PHF21B: variants seen among roughly 807,000 people sequenced by gnomAD.
The protein encoded by PHF21B is PHD finger protein 21B.
Under a neutral mutation model 62.2 loss-of-function variants are expected in PHF21B, and 22 were observed. The ratio of observed to expected loss-of-function variants is 0.35; its 90% CI spans 0.25 to 0.51. PHF21B has a LOEUF of 0.51. Among genes scored for constraint, PHF21B ranks in the 20% least tolerant of loss-of-function variants. The probability of loss-of-function intolerance (pLI) is 0.97; values close to 1 mark genes in which losing one functional copy is unlikely to be tolerated. For missense variants in PHF21B, 701 were observed against 707.9 expected, an observed-to-expected ratio of 0.99 and a Z score of 0.11; for synonymous variants, 341 against 314.7, an observed-to-expected ratio of 1.08 and a Z score of -0.88.
intron 12 of PHF21B, among the ~76,000 whole-genome samples, chr22:44,883,921 C>T (rs62232240): frequency 0.3 from 44,826 of 149,278 alleles, 8,637 homozygotes; most frequent in Non-Finnish European, 0.41. Context: ...CCAGGGCCCG[C>T]TACCATCACC....
At position 44,946,283 on chromosome 22, in the gene PHF21B, CCT is replaced by C. The variant is rs796247950; in HGVS notation, c.121-25795_121-25794del. Among the ~76,000 whole-genome samples the C allele has an allele frequency of 5.4e-5, 8 of 147,750 alleles. No homozygotes were observed. In the South Asian group the frequency reaches 1.5e-3, roughly 27 times the overall value. Reference sequence around the variant, plus strand: ...GGCTCCCTATCTCTGAGAAGCTTCCCCTGACACCCCCAAACGAGGCCAGATAC... The same window carrying C: ...GGCTCCCTATCTCTGAGAAGCTTCCCGACACCCCCAAACGAGGCCAGATAC... On this transcript the variant is annotated intron_variant, in intron 2 of 12. Coordinates refer to ENST00000313237, the MANE Select transcript of PHF21B (RefSeq NM_138415.5).
intron 3 of PHF21B, among the ~76,000 whole-genome samples, chr22:44,919,892 G>T (rs960585958): frequency 1.3e-5 from 2 of 152,246 alleles, no homozygotes; most frequent in Non-Finnish European, 2.9e-5. Context: ...AGGCTGAGAG[G>T]TCAGGTGACT....
intron 4 of PHF21B, among the ~76,000 whole-genome samples, chr22:44,915,575 C>T (rs923105999): frequency 1.3e-5 from 2 of 152,196 alleles, no homozygotes; most frequent in Non-Finnish European, 2.9e-5. Context: ...ACAGGACTCC[C>T]GGGAATGCAC....
chr22:44,950,105 A>G (rs1426736259), intron 2 of PHF21B, among the ~76,000 whole-genome samples: 1 of 152,216 alleles, frequency 6.6e-6, no homozygotes, highest in Non-Finnish European at 1.5e-5. Context: ...AAAGTGATCA[A>G]TTCACCTTTC....
intron 2 of PHF21B, among the ~76,000 whole-genome samples, chr22:44,999,720 G>A (rs75409505): frequency 0.02 from 3,044 of 152,078 alleles, 97 homozygotes; most frequent in African/African-American, 0.069. Context: ...TTAAGGTCAC[G>A]AAGCTGGGCA....
intron 7 of PHF21B, 87 bp downstream of exon 7, chr22:44,893,370 A>C: frequency 7.5e-7 from 1 of 1,326,426 alleles, no homozygotes; most frequent in Non-Finnish European, 1.0e-6. Context: ...TAGGAAAGCG[A>C]ATGAGGGAGG....
chr22:44,934,322 G>A (rs1000951415), intron 2 of PHF21B, among the ~76,000 whole-genome samples: 2 of 152,226 alleles, frequency 1.3e-5, no homozygotes, highest in African/African-American at 4.8e-5. Context: ...ATCACCGCAC[G>A]CGACCTAAGA....
intron 2 of PHF21B, among the ~76,000 whole-genome samples, chr22:44,999,662 G>A (rs889138905): frequency 6.6e-6 from 1 of 151,946 alleles, no homozygotes; most frequent in African/African-American, 2.4e-5. Flanking sequence ...TTTTCTTATT[G>A]GTGCCATTAC....
chr22:44,920,082 G>A (rs1319092899), intron 3 of PHF21B, among the ~76,000 whole-genome samples: 1 of 152,154 alleles, frequency 6.6e-6, no homozygotes, highest in East Asian at 1.9e-4. Context: ...GAAACAAGTT[G>A]GTCAAGAAAC....
At chr22:44,956,904 A>T (rs1488283764) in intron 2 of PHF21B, among the ~76,000 whole-genome samples, 1 of 152,180 alleles carries the variant, frequency 6.6e-6, no homozygotes. Flanking sequence ...TGCAGCATTC[A>T]GGAGCCAACC....
Position 44,885,955 on chromosome 22 carries a change from G to A in PHF21B, c.1198-17C>T, listed in dbSNP as rs762498039. ...CTTTAAGGCCTGGGGAGCAGACGGGGAGATGAAAAAGTGGACAGGCCCTGG... is the reference window on the plus strand; with the variant it reads ...CTTTAAGGCCTGGGGAGCAGACGGGAAGATGAAAAAGTGGACAGGCCCTGG... On this transcript the variant is annotated splice_polypyrimidine_tract_variant and intron_variant, in intron 10 of 12. Coordinates refer to ENST00000313237, the MANE Select transcript of PHF21B (RefSeq NM_138415.5). 1.2e-6 allele frequency: 2 copies of A among 1,612,980 alleles called. No homozygotes were observed. Among genetic ancestry groups the A allele is most frequent in the South Asian group, 1.1e-5 (1 of 91,000 alleles).
chr22:45,004,235 A>G (rs728776), intron 2 of PHF21B, among the ~76,000 whole-genome samples: 10,810 of 152,312 alleles, frequency 0.071, 459 homozygotes, highest in Middle Eastern at 0.14. Flanking sequence ...AAGTCTATGT[A>G]AAATATATCT....
In PHF21B at chr22:44,999,555, C is replaced by A. The variant is rs1022001005; in HGVS notation, c.120+8990G>T. ...GAGCAAAAGTACTGCTCGCGGTCAC[C>A]AGGACGGTTACTAACTTGCTGGGGA... On this transcript the variant is annotated intron_variant, in intron 2 of 12. Coordinates refer to ENST00000313237, the MANE Select transcript of PHF21B (RefSeq NM_138415.5). Among the ~76,000 whole-genome samples, 5 of 152,308 alleles carry A rather than the reference C, an allele frequency of 3.3e-5. No individual in the cohort carries two copies. The East Asian group carries it at 9.6e-4, about 29-fold the overall frequency.
intron 2 of PHF21B, among the ~76,000 whole-genome samples, chr22:44,990,600 G>A (rs867705538): frequency 6.6e-6 from 1 of 152,262 alleles, no homozygotes; most frequent in Non-Finnish European, 1.5e-5. Context: ...ATTGCGCGAA[G>A]TGAAAAAAGC....
intron 2 of PHF21B, among the ~76,000 whole-genome samples, chr22:45,007,684 G>C (rs1358136195): frequency 2.7e-4 from 26 of 95,374 alleles, no homozygotes; most frequent in African/African-American, 8.3e-4. Context: ...GGGGCTGCGC[G>C]GGGAAGGGGC....
chr22:44,955,365 CTG>C (rs1215393099), intron 2 of PHF21B, among the ~76,000 whole-genome samples: 1 of 152,228 alleles, frequency 6.6e-6, no homozygotes, highest in Non-Finnish European at 1.5e-5. Flanking sequence ...ACTCACGGTC[CTG>C]TGACGGTTAA....
chr22:44,898,533 C>CA (rs1287863770), intron 5 of PHF21B, among the ~76,000 whole-genome samples: 1 of 152,132 alleles, frequency 6.6e-6, no homozygotes. Flanking sequence ...AGCTGGGAAT[C>CA]AGACTCCACT....
chr22:44,920,938 T>G (rs2071524242), intron 2 of PHF21B, among the ~76,000 whole-genome samples: 1 of 152,258 alleles, frequency 6.6e-6, no homozygotes, highest in African/African-American at 2.4e-5. Context: ...TAGCTCCATC[T>G]TTTTCCAGTT....
intron 2 of PHF21B, among the ~76,000 whole-genome samples, chr22:44,980,864 C>A (rs1236688907): frequency 1.3e-5 from 2 of 152,212 alleles, no homozygotes; most frequent in East Asian, 3.9e-4. Flanking sequence ...ATCTGTCACC[C>A]AGCACTGCCG....
Sources: allele counts gnomAD v4.1 joint callset (sites outside exome capture counted in the v4.1 genomes callset), GRCh38; gene constraint gnomAD v4.1.1; transcripts MANE v1.5; gene names NCBI Gene and HGNC (gene_info 2026-07-23, HGNC 2026-07-21).